SERPINB8: variants seen among roughly 807,000 people sequenced by gnomAD.
The protein encoded by SERPINB8 is serpin family B member 8.
SERPINB8 carries 25 observed loss-of-function variants against 35.3 expected under a neutral mutation model. The observed-to-expected ratio is 0.71, with a 90% CI of 0.52 to 0.99. SERPINB8 has a LOEUF of 0.99. Among genes scored for constraint, SERPINB8 ranks in the 50% least tolerant of loss-of-function variants. The pLI, the probability that SERPINB8 is intolerant of heterozygous loss-of-function variation, is 0.00. For synonymous variants in SERPINB8, 186 were observed against 160.8 expected, an observed-to-expected ratio of 1.16 and a Z score of -1.19; for missense variants, 484 against 446.5, an observed-to-expected ratio of 1.08 and a Z score of -0.76.
Position 63,986,996 on chromosome 18 carries a change from T to C in SERPINB8, c.843T>C (p.Pro281=). Residue 281 remains proline (P), a synonymous_variant, in exon 7 of 7, where the codon CCT becomes CCC. Transcript: ENST00000397985. The part of the protein sequence containing the change: ...LKLEESYDLE[P]FLRRLGMIDA... The stretch of plus-strand genomic sequence containing the variant: ...TGGAGGAGAGTTATGACTTGGAGCC[T>C]TTCCTTCGAAGATTAGGAATGATCG... 6.2e-7 allele frequency: 1 copy of C among 1,614,244 alleles called. No individual in the cohort carries two copies. The highest frequency in any genetic ancestry group is 8.5e-7 in the Non-Finnish European group (1 of 1,180,044).
chr18:63,990,981 C>T (rs116951428), downstream of SERPINB8, among the ~76,000 whole-genome samples: 79 of 152,294 alleles, frequency 5.2e-4, no homozygotes, highest in Non-Finnish European at 9.9e-4. Context: ...AAATGCTATC[C>T]ATTTTCCACT....
At chr18:63,978,879 A>AT (rs3214524) in intron 2 of SERPINB8, among the ~76,000 whole-genome samples, 61,270 of 152,054 alleles carry the variant, frequency 0.4, 15,486 homozygotes, top group African/African-American at 0.72. Context: ...TAAGTGGGTT[A>AT]TTTTAGTGCA....
rs376729333 is a variant in SERPINB8 at position 63,977,036 on chromosome 18, T to C, written c.-10-1263T>C. 4.3e-4 allele frequency among the ~76,000 whole-genome samples: 66 copies of C among 152,308 alleles called. 1 individual carries two copies. Among genetic ancestry groups the C allele is most frequent in the African/African-American group, 1.4e-3 (60 of 41,568 alleles). ...AGTGATGACAGAAATACAGTTTTTA[T>C]TGATAAAGAATTACATATATAAGTT... On this transcript the variant is annotated intron_variant, in intron 1 of 6. Coordinates refer to ENST00000397985, the MANE Select transcript of SERPINB8 (RefSeq NM_002640.4).
downstream of SERPINB8, among the ~76,000 whole-genome samples, chr18:64,006,830 A>C (rs2144846342): frequency 6.6e-6 from 1 of 152,344 alleles, no homozygotes; most frequent in Admixed American, 6.5e-5. Context: ...TTTGGGGTAC[A>C]GCTAAAATGG....
At chr18:64,015,064 T>C (rs2050943328) in intron 7 of SERPINB8, among the ~76,000 whole-genome samples, 1 of 152,222 alleles carries the variant, frequency 6.6e-6, no homozygotes, top group African/African-American at 2.4e-5. Context: ...TCCATTCTTT[T>C]TGCCCATTAT....
chr18:63,979,630 A>G (rs1049185497), intron 2 of SERPINB8, among the ~76,000 whole-genome samples, 171 bp from the exon 3 acceptor site: 1 of 152,222 alleles, frequency 6.6e-6, no homozygotes, highest in Admixed American at 6.5e-5. Context: ...CCTGGCCCCA[A>G]ATGTCAATGC....
intron 1 of SERPINB8, among the ~76,000 whole-genome samples, chr18:63,972,039 T>C (rs1404821230): frequency 1.3e-5 from 2 of 152,180 alleles, no homozygotes; most frequent in East Asian, 1.9e-4. Context: ...TTTCATTACC[T>C]ATTGAATAAA....
At position 63,988,651 on chromosome 18, in the gene SERPINB8, A is replaced by C. The variant is rs139043328; in HGVS notation, c.*1373A>C. 7 of 152,334 alleles carry C rather than the reference A, an allele frequency of 4.6e-5. No homozygotes were observed. The highest frequency in any genetic ancestry group is 1.0e-4 in the Non-Finnish European group (7 of 68,028). The allele number at this position is 152,334 out of a possible 1,614,324, so 9.4% of individuals were successfully genotyped here. ...ATTTCTTTAATGAGTTGGACTGAAC[A>C]GTGGTTAATCCTGACTCTGTTTTTG... On this transcript the variant is annotated 3_prime_UTR_variant, in exon 7 of 7. Transcript: ENST00000397985.
downstream of SERPINB8, among the ~76,000 whole-genome samples, chr18:63,991,540 CA>C (rs1390623968): frequency 1.3e-5 from 2 of 151,768 alleles, no homozygotes; most frequent in Admixed American, 6.5e-5. Context: ...AAATATAATA[CA>C]GGTTTTTTTT....
downstream of SERPINB8, among the ~76,000 whole-genome samples, chr18:63,989,681 C>T (rs549570849): frequency 2.4e-4 from 37 of 152,204 alleles, 1 homozygote; most frequent in East Asian, 1.2e-3. Flanking sequence ...CGGTGGCTCA[C>T]GCCTGTAATC....
chr18:64,002,509 T>G (rs1481021921), intron 1 of SERPINB8, among the ~76,000 whole-genome samples: 1 of 152,190 alleles, frequency 6.6e-6, no homozygotes, highest in Admixed American at 6.5e-5. Context: ...ATGAGTCCTT[T>G]GCACCACCAG....
At position 63,987,363 on chromosome 18, in the gene SERPINB8, G is replaced by A; in HGVS notation, c.*85G>A. The A allele has an allele frequency of 7.2e-7, 1 of 1,380,682 alleles. No homozygotes were observed. Among genetic ancestry groups the A allele is most frequent in the South Asian group, 1.4e-5 (1 of 72,792 alleles). The allele number at this position is 1,380,682 out of a possible 1,614,324, so 85.5% of individuals were successfully genotyped here. ...TTCCCTGTGACCTAGTTGGTGCAGT[G>A]GCTTGAATGCCAAAATAAAGCGTGT... On this transcript the variant is annotated 3_prime_UTR_variant, in exon 7 of 7. Transcript: ENST00000397985.
In SERPINB8 at chr18:63,983,664, G is replaced by A. The variant is rs766096367; in HGVS notation, c.510G>A (p.Lys170=). ...TGAATGCCATTTATTTCAAGGGAAA[G>A]TGGAATGAGCAATTTGACAGAAAGT... ...VLVNAIYFKG[K]WNEQFDRKYT... is the part of the protein sequence containing the mutation. The change falls in exon 5 of 7, where the codon AAG becomes AAA. Residue 170 remains lysine, a synonymous_variant. Transcript: ENST00000397985. The A allele has an allele frequency of 5.6e-6, 9 of 1,614,036 alleles. No individual in the cohort carries two copies. Among genetic ancestry groups the A allele is most frequent in the Non-Finnish European group, 5.1e-6 (6 of 1,179,908 alleles).
chr18:64,000,787 C>T (rs910679145), intron 1 of SERPINB8, among the ~76,000 whole-genome samples: 2 of 152,202 alleles, frequency 1.3e-5, no homozygotes, highest in Non-Finnish European at 2.9e-5. Flanking sequence ...CCTCTCTCCC[C>T]TGCCCCCACA....
intron 1 of SERPINB8, among the ~76,000 whole-genome samples, chr18:63,999,706 T>C (rs2050865702): frequency 1.3e-5 from 2 of 152,204 alleles, no homozygotes; most frequent in African/African-American, 4.8e-5. Flanking sequence ...TCCTTTTTGA[T>C]AGCCTTGTAA....
chr18:63,987,019 T>C lies in SERPINB8; in HGVS notation c.866T>C (p.Ile289Thr), dbSNP rs771466710. 9.3e-6 allele frequency: 15 copies of C among 1,614,074 alleles called. No homozygotes were observed. In the Admixed American group the frequency reaches 1.7e-4, roughly 18 times the overall value. Reference sequence around the variant, plus strand: ...CCTTTCCTTCGAAGATTAGGAATGATCGATGCTTTTGACGAAGCCAAGGCA... The same window carrying C: ...CCTTTCCTTCGAAGATTAGGAATGACCGATGCTTTTGACGAAGCCAAGGCA... ...LEPFLRRLGM[I>T]DAFDEAKADF... is the part of the protein sequence containing the mutation. Residue 289 changes from isoleucine to threonine, a missense_variant, in exon 7 of 7, where the codon ATC (isoleucine) becomes ACC (threonine). Coordinates refer to ENST00000397985, the MANE Select transcript of SERPINB8 (RefSeq NM_002640.4).
chr18:63,995,291 A>C (rs1053120244), intron 1 of SERPINB8, among the ~76,000 whole-genome samples: 1 of 152,222 alleles, frequency 6.6e-6, no homozygotes, highest in African/African-American at 2.4e-5. Flanking sequence ...CTCTGTCCCC[A>C]GGGATGACTA....
intron 4 of SERPINB8, among the ~76,000 whole-genome samples, chr18:63,982,872 T>C (rs752573583): frequency 5.4e-4 from 82 of 152,232 alleles, no homozygotes; most frequent in South Asian, 8.3e-4. Context: ...TACCCTCTCA[T>C]TGGACAACTC....
At chr18:64,016,894 T>C (rs1439487421) in intron 7 of SERPINB8, among the ~76,000 whole-genome samples, 2 of 152,196 alleles carry the variant, frequency 1.3e-5, no homozygotes, top group Non-Finnish European at 2.9e-5. Context: ...TAACAGAGAA[T>C]TGTTTTTGCA....
Sources: allele counts gnomAD v4.1 joint callset (sites outside exome capture counted in the v4.1 genomes callset), GRCh38; gene constraint gnomAD v4.1.1; transcripts MANE v1.5; gene names NCBI Gene and HGNC (gene_info 2026-07-23, HGNC 2026-07-21).